Variants in IL1RAPL2 observed in about 807,000 individuals in gnomAD.
IL1RAPL2 encodes the protein interleukin 1 receptor accessory protein like 2, also known as X-linked interleukin-1 receptor accessory protein-like 2.
A neutral mutation model predicts 44.1 loss-of-function variants in IL1RAPL2; 3 were observed. The observed-to-expected ratio is 0.07, with a 90% CI of 0.03 to 0.18. The LOEUF is 0.18. Ranked by LOEUF, IL1RAPL2 falls within the 10% of genes least tolerant of loss-of-function variation. IL1RAPL2 has a pLI of 1.00. For synonymous variants in IL1RAPL2, 181 were observed against 178.8 expected, an observed-to-expected ratio of 1.01 and a Z score of -0.10; for missense variants, 391 against 496.4, an observed-to-expected ratio of 0.79 and a Z score of 2.02.
intron 6 of IL1RAPL2, among the ~76,000 whole-genome samples, chrX:105,604,626 G>A (rs2037279948): frequency 9.0e-6 from 1 of 110,863 alleles, no homozygotes; most frequent in Admixed American, 9.6e-5. Flanking sequence ...GCATTTAAGG[G>A]AATTATTCCA....
intron 2 of IL1RAPL2, among the ~76,000 whole-genome samples, chrX:104,712,571 C>T (rs1931481047): frequency 9.0e-6 from 1 of 110,584 alleles, no homozygotes; most frequent in Admixed American, 9.6e-5. Flanking sequence ...ATCCCTAGCC[C>T]TTAAATAAAT....
At chrX:105,598,748 C>CA (rs1368885671) in intron 6 of IL1RAPL2, among the ~76,000 whole-genome samples, 6 of 112,001 alleles carry the variant, frequency 5.4e-5, no homozygotes, top group African/African-American at 1.9e-4. Flanking sequence ...ACCTCCTCCA[C>CA]AAAATCGTTC....
intron 6 of IL1RAPL2, among the ~76,000 whole-genome samples, chrX:105,682,968 CTTAA>C (rs1489754784): frequency 8.9e-6 from 1 of 112,128 alleles, no homozygotes; most frequent in Non-Finnish European, 1.9e-5. Flanking sequence ...AGAAATAATA[CTTAA>C]TTATTCATTT....
At chrX:104,950,290 C>T (rs1322760744) in intron 2 of IL1RAPL2, among the ~76,000 whole-genome samples, 2 of 112,228 alleles carry the variant, frequency 1.8e-5, no homozygotes, top group Non-Finnish European at 1.9e-5. Context: ...TTCCTCCATC[C>T]TCAGGGACCC....
chrX:105,286,838 A>G (rs1026894320), intron 5 of IL1RAPL2, among the ~76,000 whole-genome samples: 2 of 111,818 alleles, frequency 1.8e-5, no homozygotes, highest in African/African-American at 6.5e-5. Context: ...GTCTTGACAT[A>G]GAGTTGGAGA....
chrX:105,406,121 C>T (rs757220325), intron 5 of IL1RAPL2: 93 of 1,186,741 alleles, frequency 7.8e-5, no homozygotes, highest in Non-Finnish European at 1.0e-4. Context: ...ATCGAGTATA[C>T]TCTTGACTTA....
intron 1 of IL1RAPL2, among the ~76,000 whole-genome samples, chrX:104,617,944 C>G (rs765157694): frequency 8.9e-6 from 1 of 111,971 alleles, no homozygotes; most frequent in East Asian, 2.8e-4. Flanking sequence ...AATTCTTGCA[C>G]TGTTTCTGTC....
chrX:105,560,141 C>T (rs1015054517), intron 6 of IL1RAPL2, among the ~76,000 whole-genome samples: 1 of 111,839 alleles, frequency 8.9e-6, no homozygotes, highest in Non-Finnish European at 1.9e-5. Context: ...CTTGCCTGAA[C>T]TCTAGCAGTG....
intron 2 of IL1RAPL2, among the ~76,000 whole-genome samples, chrX:104,846,371 G>A (rs190736131): frequency 1.8e-5 from 2 of 108,146 alleles, no homozygotes; most frequent in African/African-American, 3.4e-5. Context: ...GACAGGCCCC[G>A]GTGTGTGATG....
At chrX:105,266,332 G>A (rs1297816643) in intron 4 of IL1RAPL2, among the ~76,000 whole-genome samples, 2 of 111,094 alleles carry the variant, frequency 1.8e-5, no homozygotes, top group Non-Finnish European at 3.8e-5. Context: ...GTGAGCCACC[G>A]TGCCTGGCAA....
intron 4 of IL1RAPL2, among the ~76,000 whole-genome samples, chrX:105,255,831 A>G (rs937283297): frequency 4.3e-4 from 48 of 111,812 alleles, no homozygotes; most frequent in African/African-American, 1.5e-3. Context: ...ATGTTCTTCA[A>G]TACCTGGGGT....
chrX:104,906,100 CTGTT>C (rs1283377811), intron 2 of IL1RAPL2, among the ~76,000 whole-genome samples: 2 of 109,273 alleles, frequency 1.8e-5, no homozygotes, highest in Admixed American at 1.9e-4. Flanking sequence ...ATTTGGCTCT[CTGTT>C]TGTCTGTTAT....
intron 5 of IL1RAPL2, among the ~76,000 whole-genome samples, chrX:105,382,306 G>A (rs996476717): frequency 1.0e-4 from 11 of 107,685 alleles, no homozygotes; most frequent in East Asian, 5.7e-4. Context: ...ACAAGTGGGC[G>A]AAGGATATGA....
intron 3 of IL1RAPL2, chrX:105,219,602 T>A: frequency 7.4e-6 from 9 of 1,209,946 alleles, no homozygotes; most frequent in Non-Finnish European, 1.0e-5. Flanking sequence ...TCCACATCCC[T>A]CTGCTCTTCT....
intron 6 of IL1RAPL2, among the ~76,000 whole-genome samples, chrX:105,571,439 A>C (rs754889128): frequency 8.1e-5 from 9 of 111,379 alleles, no homozygotes; most frequent in Non-Finnish European, 1.5e-4. Context: ...CTAGTGTCTT[A>C]AACAAGATTG....
chrX:105,717,594 A>T (rs1213457598), intron 7 of IL1RAPL2, 98 bp downstream of exon 7: 27 of 862,370 alleles, frequency 3.1e-5, no homozygotes, highest in Non-Finnish European at 4.1e-5. Context: ...CTAAAAGCTG[A>T]TCTTATGGAG....
intron 5 of IL1RAPL2, among the ~76,000 whole-genome samples, chrX:105,455,885 G>T (rs1275878878): frequency 8.9e-6 from 1 of 112,063 alleles, no homozygotes; most frequent in African/African-American, 3.2e-5. Context: ...AATAGAAATA[G>T]CACTGAATCT....
chrX:105,641,888 G>A (rs2037571971), intron 6 of IL1RAPL2, among the ~76,000 whole-genome samples: 1 of 111,483 alleles, frequency 9.0e-6, no homozygotes, highest in South Asian at 3.8e-4. Context: ...TCAAGAGAAA[G>A]GCATGGACCT....
intron 5 of IL1RAPL2, among the ~76,000 whole-genome samples, chrX:105,335,599 C>A (rs1363668347): frequency 9.0e-6 from 1 of 111,095 alleles, no homozygotes; most frequent in Non-Finnish European, 1.9e-5. Flanking sequence ...CTGGGGTATC[C>A]AAGCATGTGA....
Sources: gnomAD v4.1 joint callset for allele counts (sites outside exome capture counted in the v4.1 genomes callset) on GRCh38, gnomAD v4.1.1 for gene constraint, MANE v1.5 for transcripts, NCBI Gene and HGNC (gene_info 2026-07-23, HGNC 2026-07-21) for gene names.